DNAJC1: variants seen among roughly 807,000 people sequenced by gnomAD.
DNAJC1 encodes dnaJ homolog subfamily C member 1.
DNAJC1 carries 58 observed loss-of-function variants against 76.6 expected under a neutral mutation model. The ratio of observed to expected loss-of-function variants is 0.76; its 90% CI spans 0.61 to 0.94. The LOEUF is 0.94. Among genes scored for constraint, DNAJC1 ranks in the 40% least tolerant of loss-of-function variants. The pLI, the probability that DNAJC1 is intolerant of heterozygous loss-of-function variation, is 0.00. For synonymous variants in DNAJC1, 258 were observed against 267.9 expected, an observed-to-expected ratio of 0.96 and a Z score of 0.36; for missense variants, 689 against 677.3, an observed-to-expected ratio of 1.02 and a Z score of -0.19.
chr10:21,933,014 A>C (rs1490678532), intron 1 of DNAJC1: 1 of 152,246 alleles, frequency 6.6e-6, no homozygotes, highest in Non-Finnish European at 1.5e-5. Context: ...AGGACACAAA[A>C]ATATTTTTAT....
chr10:21,773,911 G>A (rs563173283), intron 9 of DNAJC1, among the ~76,000 whole-genome samples: 292 of 151,580 alleles, frequency 1.9e-3, no homozygotes, highest in Non-Finnish European at 2.8e-3. Flanking sequence ...GGAGGCCGAG[G>A]CGGGCGGATC....
intron 9 of DNAJC1, among the ~76,000 whole-genome samples, chr10:21,779,263 G>A (rs1478720974): frequency 6.6e-6 from 1 of 152,166 alleles, no homozygotes; most frequent in Non-Finnish European, 1.5e-5. Context: ...CTCCCAGAAC[G>A]GAGTTTGAGA....
At chr10:21,864,969 C>T (rs960032778) in intron 8 of DNAJC1, among the ~76,000 whole-genome samples, 2 of 152,026 alleles carry the variant, frequency 1.3e-5, no homozygotes, top group Non-Finnish European at 2.9e-5. Context: ...AAAAGATGCT[C>T]GGCATTATTA....
intron 1 of DNAJC1, among the ~76,000 whole-genome samples, chr10:21,932,675 C>T (rs1837248646): frequency 6.6e-6 from 1 of 152,182 alleles, no homozygotes; most frequent in African/African-American, 2.4e-5. Context: ...TTTGTTTTGA[C>T]CTCTCTGTTG....
intron 1 of DNAJC1, among the ~76,000 whole-genome samples, chr10:21,954,416 G>GTTT (rs1318166923): frequency 6.6e-6 from 1 of 151,962 alleles, no homozygotes; most frequent in Non-Finnish European, 1.5e-5. Flanking sequence ...CTTTCAAAGA[G>GTTT]GCAAAAACTA....
chr10:21,987,309 T>C (rs562013609), intron 1 of DNAJC1, among the ~76,000 whole-genome samples: 8 of 152,330 alleles, frequency 5.3e-5, no homozygotes, highest in East Asian at 3.9e-4. Flanking sequence ...TGCTGGACAG[T>C]ACAGCTCTAA....
At chr10:21,843,695 T>C (rs570098910) in intron 8 of DNAJC1, among the ~76,000 whole-genome samples, 11 of 152,166 alleles carry the variant, frequency 7.2e-5, no homozygotes, top group Middle Eastern at 3.4e-3. Context: ...CCTGGCCTAC[T>C]TAGAGATTTT....
At chr10:21,981,601 C>T (rs1037728376) in intron 1 of DNAJC1, among the ~76,000 whole-genome samples, 2 of 152,106 alleles carry the variant, frequency 1.3e-5, no homozygotes, top group African/African-American at 4.8e-5. Context: ...ATTCAATTTC[C>T]TCATTTGTAA....
intron 7 of DNAJC1, among the ~76,000 whole-genome samples, chr10:21,895,908 C>A (rs1408916498): frequency 1.3e-5 from 2 of 152,180 alleles, no homozygotes; most frequent in Non-Finnish European, 2.9e-5. Context: ...ACACAATGTT[C>A]CTCAGTCACC....
Position 21,843,595 on chromosome 10 carries a change from G to A in DNAJC1, c.979-37496C>T, listed in dbSNP as rs147632155. ...TTTTTAGTAGAGACCAGGTTTTACC[G>A]TGTTAGCCAGGATGGTCTCAATCTC... is the stretch of plus-strand genomic sequence containing the variant. On this transcript the variant is annotated intron_variant, in intron 8 of 11. Transcript: ENST00000376980. Among the ~76,000 whole-genome samples, 395 of 151,806 alleles carry A rather than the reference G, an allele frequency of 2.6e-3. 1 individual carries two copies. Among genetic ancestry groups the A allele is most frequent in the Middle Eastern group, 0.01 (3 of 294 alleles).
At chr10:21,773,166 T>C (rs1053929676) in intron 9 of DNAJC1, among the ~76,000 whole-genome samples, 2 of 152,204 alleles carry the variant, frequency 1.3e-5, no homozygotes, top group African/African-American at 4.8e-5. Flanking sequence ...TTATTTTCTT[T>C]TTTCTGTGTG....
At chr10:22,001,076 A>G (rs1838511381) in intron 1 of DNAJC1, among the ~76,000 whole-genome samples, 1 of 152,190 alleles carries the variant, frequency 6.6e-6, no homozygotes, top group South Asian at 2.1e-4. Flanking sequence ...CTACTGAATT[A>G]TAAGCTTAGG....
chr10:21,846,576 A>G (rs1835661799), intron 8 of DNAJC1, among the ~76,000 whole-genome samples: 5 of 152,328 alleles, frequency 3.3e-5, no homozygotes, highest in Admixed American at 2.6e-4. Context: ...AGCCTCTACC[A>G]TTAAAACTTT....
chr10:21,774,161 A>T (rs1834425782), intron 9 of DNAJC1, among the ~76,000 whole-genome samples: 1 of 149,688 alleles, frequency 6.7e-6, no homozygotes, highest in African/African-American at 2.4e-5. Context: ...AAAAAAAAAG[A>T]TGTATAAAGA....
At chr10:21,776,595 C>T (rs2131624774) in intron 9 of DNAJC1, among the ~76,000 whole-genome samples, 1 of 152,102 alleles carries the variant, frequency 6.6e-6, no homozygotes, top group Non-Finnish European at 1.5e-5. Context: ...ATTTTTTTCT[C>T]CTCTCCCTTC....
intron 1 of DNAJC1, among the ~76,000 whole-genome samples, chr10:21,952,548 G>A (rs1837616456): frequency 6.6e-6 from 1 of 152,076 alleles, no homozygotes; most frequent in Admixed American, 6.6e-5. Context: ...CCTGGGGTCG[G>A]GAGTTCGTGA....
intron 8 of DNAJC1, among the ~76,000 whole-genome samples, chr10:21,813,290 G>A (rs59252009): frequency 6.9e-6 from 1 of 144,552 alleles, no homozygotes; most frequent in East Asian, 2.1e-4. Flanking sequence ...CTTGTCTCTA[G>A]GGGAAGCCAA....
intron 9 of DNAJC1, among the ~76,000 whole-genome samples, chr10:21,782,973 C>A (rs1263475404): frequency 6.6e-6 from 1 of 152,172 alleles, no homozygotes; most frequent in East Asian, 1.9e-4. Flanking sequence ...TGGAAGCATT[C>A]CCTTTGAAAA....
intron 1 of DNAJC1, among the ~76,000 whole-genome samples, chr10:21,929,756 G>C (rs1344582564): frequency 6.6e-6 from 1 of 152,186 alleles, no homozygotes; most frequent in African/African-American, 2.4e-5. Flanking sequence ...ATGTTGGCCA[G>C]CCTCCTCAGT....
Sources: gnomAD v4.1 joint callset for allele counts (sites outside exome capture counted in the v4.1 genomes callset) on GRCh38, gnomAD v4.1.1 for gene constraint, MANE v1.5 for transcripts, NCBI Gene and HGNC (gene_info 2026-07-23, HGNC 2026-07-21) for gene names.